The following THOC2 variants were observed in gnomAD, a reference collection of about 807,000 sequenced individuals.
The protein encoded by THOC2 is THO complex subunit 2.
THOC2 carries 10 observed loss-of-function variants against 128.4 expected under a neutral mutation model. That is an observed-to-expected ratio of 0.08 (90% CI 0.05 to 0.13). The LOEUF (loss-of-function observed/expected upper bound fraction) is 0.13. THOC2 is among the 10% of genes least tolerant of loss of function. THOC2 has a pLI of 1.00. For missense variants in THOC2, 535 were observed against 1,155.7 expected, an observed-to-expected ratio of 0.46 and a Z score of 7.79; for synonymous variants, 393 against 396.9, an observed-to-expected ratio of 0.99 and a Z score of 0.12.
At chrX:123,692,156 T>C (rs867347985) in intron 7 of THOC2, among the ~76,000 whole-genome samples, 1 of 111,983 alleles carries the variant, frequency 8.9e-6, no homozygotes, top group East Asian at 2.8e-4. Context: ...CTGATTTTTT[T>C]TGAAGGGCAT....
rs1490340019 is a variant in THOC2, at chrX:123,634,097, C to T, written c.2019-27G>A. ...TATTCAAAAAGAAAAAAGAAACAGT[C>T]TATAGTTAGAACTTCAAATATAAAA... On this transcript the variant is annotated intron_variant, in intron 19 of 38. Coordinates refer to ENST00000245838, the MANE Select transcript of THOC2 (RefSeq NM_001081550.2). The T allele has an allele frequency of 4.5e-6, 4 of 897,163 alleles. No homozygotes were observed. In the South Asian group the frequency reaches 8.9e-5, roughly 20 times the overall value. 73.9% of individuals were successfully genotyped at this position (897,163 alleles called of 1,213,427 possible). A position where few individuals can be genotyped will look rare whatever the true frequency, so the allele number is the denominator to read the frequency against.
chrX:123,665,571 T>A, intron 12 of THOC2, 71 bp downstream of exon 12: 1 of 703,214 alleles, frequency 1.4e-6, no homozygotes, highest in Non-Finnish European at 2.0e-6. Context: ...TTTCTAAAGA[T>A]ACTCATAACA....
intron 29 of THOC2, 105 bp from the exon 30 acceptor site, chrX:123,622,965 T>C (rs190644967): frequency 6.0e-5 from 52 of 868,489 alleles, no homozygotes; most frequent in Non-Finnish European, 7.0e-5. Context: ...AGCAAGCTGA[T>C]TACTTCTTAA....
At chrX:123,682,365 T>C (rs920390001) in intron 8 of THOC2, among the ~76,000 whole-genome samples, 3 of 111,604 alleles carry the variant, frequency 2.7e-5, no homozygotes, top group Non-Finnish European at 5.6e-5. Context: ...TTGCACTGGC[T>C]CTGTGATCTC....
intron 10 of THOC2, among the ~76,000 whole-genome samples, 188 bp downstream of exon 10, chrX:123,667,971 G>A (rs983914415): frequency 1.8e-5 from 2 of 111,022 alleles, no homozygotes; most frequent in Admixed American, 9.6e-5. Context: ...AAAAAAATAT[G>A]ACAGCTTCTC....
chrX:123,657,952 C>A (rs900850557), intron 12 of THOC2, among the ~76,000 whole-genome samples: 23 of 89,910 alleles, frequency 2.6e-4, no homozygotes, highest in Admixed American at 1.2e-3. Context: ...TGATTACATA[C>A]GCATATGCGT....
intron 9 of THOC2, among the ~76,000 whole-genome samples, chrX:123,669,172 AAGG>A (rs1373404036): frequency 9.1e-6 from 1 of 109,846 alleles, no homozygotes; most frequent in Non-Finnish European, 1.9e-5. Context: ...AAAAAAAAAA[AAGG>A]AGGGAGGGAG....
chrX:123,706,982 C>T, intron 2 of THOC2, 33 bp from the exon 3 acceptor site: 2 of 756,281 alleles, frequency 2.6e-6, no homozygotes, highest in Middle Eastern at 3.3e-4. Flanking sequence ...TGTAAGGATA[C>T]AGTCTCTTGA....
At chrX:123,626,687 T>C (rs200943547) in intron 23 of THOC2, 25 bp from the exon 24 acceptor site, 519 of 1,166,149 alleles carry the variant, frequency 4.5e-4, no homozygotes, top group Non-Finnish European at 5.4e-4. Flanking sequence ...ATTAGACACT[T>C]TTCTAACTAT....
intron 13 of THOC2, 52 bp from the exon 14 acceptor site, chrX:123,644,961 C>T (rs750374245): frequency 1.5e-5 from 15 of 1,026,608 alleles, no homozygotes; most frequent in Non-Finnish European, 2.0e-5. Flanking sequence ...ATTAATATAA[C>T]CAACAATAAA....
chrX:123,670,136 A>G (rs2049212243), intron 9 of THOC2, among the ~76,000 whole-genome samples: 1 of 111,573 alleles, frequency 9.0e-6, no homozygotes, highest in African/African-American at 3.3e-5. Flanking sequence ...TCTACATCAC[A>G]TCTCTCCTTT....
chrX:123,648,623 C>T (rs1457704934), intron 12 of THOC2, among the ~76,000 whole-genome samples: 2 of 106,627 alleles, frequency 1.9e-5, no homozygotes, highest in Admixed American at 1.0e-4. Flanking sequence ...TGGAGCTCAG[C>T]GGGAGGAGGG....
chrX:123,707,418 C>T (rs1453777926), intron 2 of THOC2, among the ~76,000 whole-genome samples: 5 of 111,917 alleles, frequency 4.5e-5, no homozygotes, highest in African/African-American at 1.6e-4. Context: ...TAAAGAATAG[C>T]AGTACATATA....
At chrX:123,616,525 T>C (rs778884892) in intron 33 of THOC2, among the ~76,000 whole-genome samples, 1 of 111,194 alleles carries the variant, frequency 9.0e-6, no homozygotes, top group South Asian at 3.7e-4. Flanking sequence ...CACTATATTA[T>C]ATAAAGATGG....
chrX:123,640,716 T>C, intron 15 of THOC2, 94 bp from the exon 16 acceptor site: 1 of 461,776 alleles, frequency 2.2e-6, no homozygotes. Flanking sequence ...GAAAAAGCAA[T>C]TATTCCCCAA....
chrX:123,706,877 T>G lies in THOC2; in HGVS notation c.203A>C (p.Asn68Thr). Residue 68 changes from asparagine (N) to threonine (T), a missense_variant, in exon 3 of 39, where the codon AAT (asparagine) becomes ACT (threonine). Physicochemically the swap from Asn to Thr is moderately conservative, Grantham distance 65 (BLOSUM62 0). Around this residue, in one of 9 missense-constraint regions of THOC2, gnomAD observed 61 missense variants for 84.3 expected, o/e 0.72. Transcript: ENST00000245838. ...ACTTACACTAATGTCACTAAGAACA[T>G]TAGATGCCTGTTCATGCTTTAGATT... is the stretch of plus-strand genomic sequence containing the variant. ...KGNLKHEQAS[N>T]VLSDISEFRE... The G allele has an allele frequency of 1.8e-6, 2 of 1,140,130 alleles. No homozygotes were observed. The highest frequency in any genetic ancestry group is 2.4e-6 in the Non-Finnish European group (2 of 847,195). 94.0% of individuals were successfully genotyped at this position (1,140,130 alleles called of 1,213,427 possible).
chrX:123,621,067 C>T, intron 31 of THOC2, 90 bp downstream of exon 31: 2 of 1,168,364 alleles, frequency 1.7e-6, no homozygotes, highest in Non-Finnish European at 1.1e-6. Flanking sequence ...CTAGCAAAAC[C>T]CCTATATAAC....
At chrX:123,721,774 A>C (rs1485477382) in intron 1 of THOC2, among the ~76,000 whole-genome samples, 1 of 108,680 alleles carries the variant, frequency 9.2e-6, no homozygotes, top group Non-Finnish European at 1.9e-5. Flanking sequence ...CGAGAGAGCA[A>C]GACTCTATCT....
chrX:123,711,068 G>A (rs1462055163), intron 2 of THOC2, among the ~76,000 whole-genome samples: 1 of 103,546 alleles, frequency 9.7e-6, no homozygotes, highest in Non-Finnish European at 2.0e-5. Flanking sequence ...ACCCAGGCTG[G>A]AGTGCAGTGG....
Sources: allele counts gnomAD v4.1 joint callset (sites outside exome capture counted in the v4.1 genomes callset), GRCh38; gene constraint gnomAD v4.1.1; regional missense constraint gnomAD v4.1.1; transcripts MANE v1.5; gene names NCBI Gene and HGNC (gene_info 2026-07-23, HGNC 2026-07-21).